GRIP1: variants seen among roughly 807,000 people sequenced by gnomAD.
The protein encoded by GRIP1 is glutamate receptor-interacting protein 1.
Under a neutral mutation model 129.9 loss-of-function variants are expected in GRIP1, and 45 were observed. The observed-to-expected ratio is 0.35, with a 90% CI of 0.27 to 0.44. GRIP1 has a LOEUF of 0.44. Ranked by LOEUF, GRIP1 falls within the 20% of genes least tolerant of loss-of-function variation. The probability of loss-of-function intolerance (pLI) is 1.00; values close to 1 mark genes in which losing one functional copy is unlikely to be tolerated. For synonymous variants in GRIP1, 530 were observed against 520.8 expected (o/e 1.02, Z -0.24); for missense variants, 1,196 against 1,396.8 (o/e 0.86, Z 2.29).
chr12:66,565,479 C>G (rs2080508909), intron 2 of GRIP1, among the ~76,000 whole-genome samples: 1 of 152,226 alleles, frequency 6.6e-6, no homozygotes, highest in South Asian at 2.1e-4. Flanking sequence ...TTCCATTGGT[C>G]TATATCTCTG....
intron 16 of GRIP1, among the ~76,000 whole-genome samples, chr12:66,401,515 G>A (rs959475410): frequency 5.3e-5 from 8 of 151,222 alleles, no homozygotes; most frequent in African/African-American, 1.9e-4. Flanking sequence ...GAAGGCGGAG[G>A]TTGCAGTGAG....
intron 15 of GRIP1, among the ~76,000 whole-genome samples, chr12:66,407,722 C>A (rs182097216): frequency 3.7e-4 from 56 of 152,306 alleles, no homozygotes; most frequent in Non-Finnish European, 6.6e-4. Flanking sequence ...CACTGCTGCA[C>A]GCTAAAGTGT....
chr12:66,655,840 C>G (rs1293804335), intron 1 of GRIP1, among the ~76,000 whole-genome samples: 2 of 152,050 alleles, frequency 1.3e-5, no homozygotes, highest in Non-Finnish European at 2.9e-5. Context: ...ACCTTGTGAT[C>G]TGCCCGTCTT....
chr12:66,937,040 T>G (rs1311527030), intron 1 of GRIP1, among the ~76,000 whole-genome samples: 1 of 152,130 alleles, frequency 6.6e-6, no homozygotes, highest in African/African-American at 2.4e-5. Context: ...AATTATCACT[T>G]TTTTCTCTGG....
chr12:66,528,001 T>C (rs1416327824), intron 5 of GRIP1, among the ~76,000 whole-genome samples: 1 of 152,090 alleles, frequency 6.6e-6, no homozygotes, highest in Non-Finnish European at 1.5e-5. Context: ...TCCCTGATGT[T>C]TATATAGCTC....
chr12:66,772,050 A>G (rs1362941063), intron 1 of GRIP1, among the ~76,000 whole-genome samples: 1 of 151,236 alleles, frequency 6.6e-6, no homozygotes, highest in East Asian at 2.0e-4. Context: ...TGCTGTGCAG[A>G]TATTTTACAT....
intron 12 of GRIP1, 84 bp downstream of exon 12, chr12:66,445,238 G>A (rs752355903): frequency 5.6e-6 from 6 of 1,070,930 alleles, no homozygotes; most frequent in East Asian, 4.7e-5. Context: ...ATTGAGCAAT[G>A]TTTCATAATT....
intron 2 of GRIP1, among the ~76,000 whole-genome samples, chr12:66,579,112 TGTTCTGCAGA>T (rs1398829144): frequency 6.6e-6 from 1 of 152,200 alleles, no homozygotes; most frequent in African/African-American, 2.4e-5. Context: ...GAAAAACCAC[TGTTCTGCAGA>T]CACCGCTGCT....
intron 1 of GRIP1, among the ~76,000 whole-genome samples, chr12:66,687,866 T>C (rs768256142): frequency 1.3e-5 from 2 of 152,134 alleles, no homozygotes; most frequent in Non-Finnish European, 2.9e-5. Flanking sequence ...CGGGGACTGG[T>C]CCAGAAATAG....
chr12:66,669,081 A>G (rs776266423), intron 1 of GRIP1, among the ~76,000 whole-genome samples: 1 of 152,156 alleles, frequency 6.6e-6, no homozygotes, highest in Admixed American at 6.5e-5. Context: ...GCCCAAAACA[A>G]ATGTGTGGGA....
At chr12:66,386,818 A>G (rs1189019045) in intron 19 of GRIP1, among the ~76,000 whole-genome samples, 3 of 152,206 alleles carry the variant, frequency 2.0e-5, no homozygotes, top group Non-Finnish European at 4.4e-5. Context: ...ATCAAATCAT[A>G]TGTTTGTGTA....
At chr12:66,539,921 C>T (rs751490953) in intron 3 of GRIP1, among the ~76,000 whole-genome samples, 16 of 152,092 alleles carry the variant, frequency 1.1e-4, no homozygotes, top group Non-Finnish European at 2.2e-4. Context: ...GTAGCAAGAC[C>T]AATAATAAGA....
chr12:66,416,630 C>A (rs555206738), intron 15 of GRIP1, among the ~76,000 whole-genome samples: 12 of 152,092 alleles, frequency 7.9e-5, no homozygotes, highest in Non-Finnish European at 1.8e-4. Context: ...CTATGAGCAA[C>A]TATATGCCAA....
intron 23 of GRIP1, among the ~76,000 whole-genome samples, chr12:66,356,801 C>T (rs1174017051): frequency 6.6e-6 from 1 of 152,208 alleles, no homozygotes; most frequent in Non-Finnish European, 1.5e-5. Flanking sequence ...AGCAACTCTT[C>T]TTATGTGATA....
chr12:66,394,405 G>A, intron 16 of GRIP1, 53 bp from the exon 17 acceptor site: 2 of 1,422,952 alleles, frequency 1.4e-6, no homozygotes, highest in Admixed American at 3.3e-5. Flanking sequence ...AAGCAAAAGA[G>A]TAAGATGCAT....
At chr12:66,523,453 A>G (rs2061098275) in intron 5 of GRIP1, among the ~76,000 whole-genome samples, 2 of 151,104 alleles carry the variant, frequency 1.3e-5, no homozygotes, top group Non-Finnish European at 2.9e-5. Context: ...AAGGAGAAAT[A>G]AAATACTTTA....
At chr12:66,425,454 C>T (rs2057949081) in intron 14 of GRIP1, among the ~76,000 whole-genome samples, 1 of 152,034 alleles carries the variant, frequency 6.6e-6, no homozygotes, top group Non-Finnish European at 1.5e-5. Context: ...ACCATTTGAC[C>T]CAGCCATCCC....
intron 1 of GRIP1, among the ~76,000 whole-genome samples, chr12:66,856,993 A>C (rs2040017408): frequency 6.6e-6 from 1 of 152,120 alleles, no homozygotes; most frequent in Non-Finnish European, 1.5e-5. Flanking sequence ...ACAATGATAG[A>C]CTGGATTAAG....
At chr12:66,622,530 A>G (rs1451339875) in intron 1 of GRIP1, among the ~76,000 whole-genome samples, 2 of 152,174 alleles carry the variant, frequency 1.3e-5, no homozygotes, top group African/African-American at 4.8e-5. Flanking sequence ...CATCTCATAT[A>G]CCCCATGAAT....
Sources: gnomAD v4.1 joint callset for allele counts (sites outside exome capture counted in the v4.1 genomes callset) on GRCh38, gnomAD v4.1.1 for gene constraint, MANE v1.5 for transcripts, NCBI Gene and HGNC (gene_info 2026-07-23, HGNC 2026-07-21) for gene names.